APLF: variants seen among roughly 807,000 people sequenced by gnomAD.
APLF encodes the protein aprataxin and PNKP like factor.
In APLF, 61 loss-of-function variants were observed where a neutral mutation model predicts 55.6. The ratio of observed to expected loss-of-function variants is 1.10; its 90% confidence interval spans 0.89 to 1.36. The LOEUF is 1.36. APLF is among the 40% of genes most tolerant of loss of function. The pLI is 0.00. For missense variants in APLF, 611 were observed against 602.5 expected (o/e 1.01, Z -0.15); for synonymous variants, 207 against 214.8 (o/e 0.96, Z 0.32).
At chr2:68,561,670 TAAG>T (rs1671170152) in intron 8 of APLF, among the ~76,000 whole-genome samples, 1 of 152,104 alleles carries the variant, frequency 6.6e-6, no homozygotes, top group African/African-American at 2.4e-5. Flanking sequence ...TGGGTTTGTG[TAAG>T]AAGATTTAAT....
intron 2 of APLF, among the ~76,000 whole-genome samples, chr2:68,502,070 G>T (rs982284886): frequency 6.6e-6 from 1 of 152,174 alleles, no homozygotes; most frequent in East Asian, 1.9e-4. Flanking sequence ...ATTTATTACA[G>T]ACCCACTCGC....
chr2:68,506,368 C>T (rs950028753), intron 3 of APLF, among the ~76,000 whole-genome samples: 2 of 151,484 alleles, frequency 1.3e-5, no homozygotes, highest in African/African-American at 4.9e-5. Context: ...AGTCCACTGT[C>T]TGCTAGCAAG....
At chr2:68,509,643 T>C (rs1481884285) in intron 3 of APLF, among the ~76,000 whole-genome samples, 2 of 152,146 alleles carry the variant, frequency 1.3e-5, no homozygotes, top group African/African-American at 4.8e-5. Flanking sequence ...GTTCAACCAC[T>C]GTGGAAGACA....
At chr2:68,530,071 C>G (rs1192083984) in intron 6 of APLF, among the ~76,000 whole-genome samples, 1 of 152,224 alleles carries the variant, frequency 6.6e-6, no homozygotes, top group Non-Finnish European at 1.5e-5. Flanking sequence ...CCTCTTACCA[C>G]ATGCCTCCCT....
At chr2:68,557,416 T>C (rs1671046857) in intron 8 of APLF, among the ~76,000 whole-genome samples, 1 of 152,200 alleles carries the variant, frequency 6.6e-6, no homozygotes, top group South Asian at 2.1e-4. Context: ...GCTGACTATA[T>C]CTGCAGATGT....
chr2:68,545,118 T>A (rs1333558374), intron 7 of APLF, 69 bp from the exon 8 acceptor site: 3 of 1,562,176 alleles, frequency 1.9e-6, no homozygotes, highest in Non-Finnish European at 2.6e-6. Context: ...TCTGGTTTCC[T>A]GCTATATCCA....
At position 68,534,010 on chromosome 2, in the gene APLF, G is replaced by A. The variant is rs1670325550; in HGVS notation, c.805-3862G>A. Among the ~76,000 whole-genome samples, 3 of 152,184 alleles carry A rather than the reference G, an allele frequency of 2.0e-5. No homozygotes were observed. The South Asian group carries it at 6.2e-4, about 32-fold the overall frequency. On this transcript the variant is annotated intron_variant, in intron 6 of 9. Transcript: ENST00000303795. ...GGGAAGAGATTGTGGCATTAACAAA[G>A]TGAAGAAATAGAGAATCTAAACTAG...
chr2:68,496,732 C>A (rs1676560807), intron 2 of APLF, among the ~76,000 whole-genome samples: 1 of 152,250 alleles, frequency 6.6e-6, no homozygotes, highest in Non-Finnish European at 1.5e-5. Flanking sequence ...CAAATGCAGC[C>A]AAGCTCTCTG....
At chr2:68,495,088 GT>G (rs753347290) in intron 2 of APLF, among the ~76,000 whole-genome samples, 10 of 152,100 alleles carry the variant, frequency 6.6e-5, no homozygotes, top group Non-Finnish European at 1.0e-4. Flanking sequence ...TTCAACATGA[GT>G]TTCAGGTGGG....
At chr2:68,492,618 A>T (rs1676407221) in intron 2 of APLF, among the ~76,000 whole-genome samples, 1 of 152,222 alleles carries the variant, frequency 6.6e-6, no homozygotes, top group Non-Finnish European at 1.5e-5. Context: ...AGATTTTAGC[A>T]GTGTTCAGTT....
intron 2 of APLF, among the ~76,000 whole-genome samples, chr2:68,500,879 A>G (rs1353540124): frequency 6.6e-6 from 1 of 152,230 alleles, no homozygotes; most frequent in African/African-American, 2.4e-5. Context: ...GTTGCACTCA[A>G]AAGCTCAACC....
Position 68,467,632 on chromosome 2 carries a change from GT to G in APLF, c.-94del. 1 of 1,044,954 alleles carries G rather than the reference GT, an allele frequency of 9.6e-7. No homozygotes were observed. 64.7% of individuals were successfully genotyped at this position (1,044,954 alleles called of 1,614,324 possible). A position where few individuals can be genotyped will look rare whatever the true frequency, so the allele number is the denominator to read the frequency against. Reference sequence around the variant, plus strand: ...GGAGCCTTTGAGGCCCTCCCTCGGTGTTTTTTCCCAGGGCGTGGGCTTGCCC... The same window carrying G: ...GGAGCCTTTGAGGCCCTCCCTCGGTGTTTTTCCCAGGGCGTGGGCTTGCCC... On this transcript the variant is annotated 5_prime_UTR_variant, in exon 1 of 10. Transcript: ENST00000303795.
At chr2:68,509,040 C>G (rs1394070443) in intron 3 of APLF, among the ~76,000 whole-genome samples, 3 of 152,044 alleles carry the variant, frequency 2.0e-5, no homozygotes, top group Non-Finnish European at 2.9e-5. Context: ...GAAACTGGAT[C>G]CCTTCCTTAC....
intron 9 of APLF, among the ~76,000 whole-genome samples, chr2:68,572,557 TG>T (rs1423016912): frequency 6.6e-6 from 1 of 152,182 alleles, no homozygotes; most frequent in African/African-American, 2.4e-5. Flanking sequence ...GCAGTTTGGC[TG>T]GGTGTGGTGG....
chr2:68,514,261 C>T (rs909620119), intron 5 of APLF, among the ~76,000 whole-genome samples: 4 of 151,748 alleles, frequency 2.6e-5, no homozygotes, highest in Non-Finnish European at 5.9e-5. Context: ...AAGTCTGCAT[C>T]TACGTACAAC....
In APLF at chr2:68,579,041, G is replaced by C. The variant is rs904399064; in HGVS notation, c.*1019G>C. The C allele has an allele frequency of 3.0e-5, 30 of 984,692 alleles. No homozygotes were observed. Among genetic ancestry groups the C allele is most frequent in the Non-Finnish European group, 3.5e-5 (29 of 829,462 alleles). The allele number at this position is 984,692 out of a possible 1,614,324, so 61.0% of individuals were successfully genotyped here. A position where few individuals can be genotyped will look rare whatever the true frequency, so the allele number is the denominator to read the frequency against. On this transcript the variant is annotated 3_prime_UTR_variant, in exon 10 of 10. Transcript: ENST00000303795. ...GAATCTTTAATAACAGTTGGGTTGT[G>C]TACACAGAGCAGGAGATATTTATTG... is the stretch of plus-strand genomic sequence containing the variant.
chr2:68,475,728 G>A (rs776157575), intron 1 of APLF, among the ~76,000 whole-genome samples: 36 of 151,994 alleles, frequency 2.4e-4, no homozygotes, highest in Non-Finnish European at 4.1e-4. Flanking sequence ...GAATAAGACC[G>A]ACCTCTTATC....
At chr2:68,574,534 A>T (rs35452820) in intron 9 of APLF, among the ~76,000 whole-genome samples, 1 of 152,230 alleles carries the variant, frequency 6.6e-6, no homozygotes, top group East Asian at 1.9e-4. Context: ...GTACCTGTTC[A>T]TGTGAGTTAA....
At chr2:68,513,825 T>G in intron 5 of APLF, 145 bp downstream of exon 5, 1 of 910,892 alleles carries the variant, frequency 1.1e-6, no homozygotes, top group Admixed American at 3.0e-5. Flanking sequence ...TTTTTTTAGT[T>G]GTGAACATGA....
Sources: gnomAD v4.1 joint callset for allele counts (sites outside exome capture counted in the v4.1 genomes callset) on GRCh38, gnomAD v4.1.1 for gene constraint, MANE v1.5 for transcripts, NCBI Gene and HGNC (gene_info 2026-07-23, HGNC 2026-07-21) for gene names.